SPECC1: variants seen among roughly 807,000 people sequenced by gnomAD.
SPECC1 encodes sperm antigen with calponin homology and coiled-coil domains 1, also known as cytospin-B.
SPECC1 carries 62 observed loss-of-function variants against 104.1 expected under a neutral mutation model. The observed-to-expected ratio is 0.60, with a 90% CI of 0.49 to 0.74. The LOEUF (loss-of-function observed/expected upper bound fraction) is 0.74. SPECC1 is among the 30% of genes least tolerant of loss of function. SPECC1 has a pLI of 0.00. For synonymous variants in SPECC1, 513 were observed against 501.6 expected, an observed-to-expected ratio of 1.02 and a Z score of -0.30; for missense variants, 1,306 against 1,310.5, an observed-to-expected ratio of 1.00 and a Z score of 0.05.
chr17:20,064,743 A>G (rs1325576471), intron 1 of SPECC1, among the ~76,000 whole-genome samples: 1 of 152,202 alleles, frequency 6.6e-6, no homozygotes, highest in Non-Finnish European at 1.5e-5. Flanking sequence ...GTACTTACAG[A>G]AAGCCCTTGC....
intron 3 of SPECC1, among the ~76,000 whole-genome samples, chr17:20,163,021 T>G (rs891329871): frequency 6.6e-5 from 10 of 152,016 alleles, no homozygotes; most frequent in Non-Finnish European, 1.5e-4. Flanking sequence ...AGAGCAAAAC[T>G]CCATCTCAAA....
intron 1 of SPECC1, among the ~76,000 whole-genome samples, chr17:20,086,647 G>A (rs997361723): frequency 1.3e-5 from 2 of 152,190 alleles, no homozygotes; most frequent in Non-Finnish European, 2.9e-5. Context: ...CTGGACCAGA[G>A]TGGCTGAAGT....
At chr17:20,103,191 C>A (rs1194254801) in intron 2 of SPECC1, among the ~76,000 whole-genome samples, 1 of 152,152 alleles carries the variant, frequency 6.6e-6, no homozygotes, top group Non-Finnish European at 1.5e-5. Context: ...TGGTCTTCAG[C>A]CTGGTGTTGC....
chr17:20,174,659 T>C (rs1296030855), intron 3 of SPECC1, among the ~76,000 whole-genome samples: 1 of 152,168 alleles, frequency 6.6e-6, no homozygotes, highest in Non-Finnish European at 1.5e-5. Context: ...TTCTTTGCCT[T>C]TTCCAGCAGT....
rs2032412758 is a variant in SPECC1 at position 20,155,772 on chromosome 17, A to G, written c.283+45210A>G. 8.9e-6 allele frequency: 3 copies of G among 337,456 alleles called. No individual in the cohort carries two copies. The South Asian group carries it at 3.5e-4, about 39-fold the overall frequency. 20.9% of individuals were successfully genotyped at this position (337,456 alleles called of 1,614,324 possible). A position where few individuals can be genotyped will look rare whatever the true frequency, so the allele number is the denominator to read the frequency against. ...GGGGTTTTTCCAGCCTACCTTGTGCAGCTGCGGTTCTCAGCATCCGCGGGC... is the reference window on the plus strand; with the variant it reads ...GGGGTTTTTCCAGCCTACCTTGTGCGGCTGCGGTTCTCAGCATCCGCGGGC... On this transcript the variant is annotated intron_variant, in intron 3 of 14. Transcript: ENST00000395527.
At chr17:20,184,245 G>A (rs2035111071) in intron 3 of SPECC1, among the ~76,000 whole-genome samples, 1 of 150,976 alleles carries the variant, frequency 6.6e-6, no homozygotes, top group African/African-American at 2.4e-5. Flanking sequence ...ACAAGTGAGA[G>A]CTATTTCCTG....
At chr17:20,051,128 C>CTTTA in intron 1 of SPECC1, among the ~76,000 whole-genome samples, 1 of 116,300 alleles carries the variant, frequency 8.6e-6, no homozygotes, top group Non-Finnish European at 1.8e-5. Context: ...TTCTTTCTTT[C>CTTTA]TTTCTTTCTT....
intron 1 of SPECC1, among the ~76,000 whole-genome samples, chr17:20,036,522 C>T (rs57040439): frequency 2.0e-5 from 3 of 152,166 alleles, no homozygotes; most frequent in Admixed American, 1.3e-4. Flanking sequence ...TGCTAATTAA[C>T]GTATGCATTA....
chr17:20,158,002 T>C (rs776594794), intron 3 of SPECC1, among the ~76,000 whole-genome samples: 2 of 152,180 alleles, frequency 1.3e-5, no homozygotes, highest in Non-Finnish European at 2.9e-5. Flanking sequence ...TGGATTACTG[T>C]CTGAAAGTGT....
chr17:20,111,630 G>C (rs1203467777), intron 3 of SPECC1, among the ~76,000 whole-genome samples: 1 of 152,328 alleles, frequency 6.6e-6, no homozygotes, highest in South Asian at 2.1e-4. Context: ...GGGCAGGGTG[G>C]GAATGAGGAC....
At chr17:20,064,934 T>TAACC (rs1337826750) in intron 1 of SPECC1, among the ~76,000 whole-genome samples, 1 of 152,182 alleles carries the variant, frequency 6.6e-6, no homozygotes, top group Non-Finnish European at 1.5e-5. Flanking sequence ...TCTAAAGAGA[T>TAACC]GGTTTGGTTA....
intron 1 of SPECC1, among the ~76,000 whole-genome samples, chr17:20,085,921 T>G (rs374694359): frequency 1.3e-5 from 2 of 152,340 alleles, no homozygotes; most frequent in African/African-American, 2.4e-5. Context: ...GATCCAGGTT[T>G]TGTTCCTGCA....
intron 1 of SPECC1, among the ~76,000 whole-genome samples, chr17:20,087,577 A>C (rs1156673159): frequency 6.6e-6 from 1 of 152,124 alleles, no homozygotes; most frequent in African/African-American, 2.4e-5. Context: ...CCTTTGTAGA[A>C]GCTCCCTGGC....
intron 1 of SPECC1, among the ~76,000 whole-genome samples, chr17:20,021,778 C>A (rs182876489): frequency 6.1e-5 from 9 of 147,398 alleles, no homozygotes; most frequent in Non-Finnish European, 1.0e-4. Context: ...CCTCATGATC[C>A]GCCCGCCTTG....
chr17:20,238,136 A>C (rs772615150), intron 7 of SPECC1: 1 of 1,030,278 alleles, frequency 9.7e-7, no homozygotes, highest in Middle Eastern at 4.5e-4. Context: ...GTTGATTTCC[A>C]GAATCTTGTT....
intron 5 of SPECC1, 97 bp from the exon 6 acceptor site, chr17:20,231,661 G>T (rs1012430272): frequency 2.9e-6 from 3 of 1,044,764 alleles, no homozygotes; most frequent in African/African-American, 3.1e-5. Context: ...GATGCCTGTT[G>T]TGGCATCTGG....
chr17:20,057,170 G>A (rs550508505), intron 1 of SPECC1, among the ~76,000 whole-genome samples: 10 of 152,238 alleles, frequency 6.6e-5, no homozygotes, highest in Admixed American at 3.3e-4. Flanking sequence ...GGCCGGGTGC[G>A]GTGGCTCATG....
intron 3 of SPECC1, among the ~76,000 whole-genome samples, chr17:20,163,642 C>G (rs947639388): frequency 4.6e-5 from 7 of 151,708 alleles, no homozygotes; most frequent in African/African-American, 1.5e-4. Flanking sequence ...CTTACTGCAG[C>G]CTTGACCTCC....
chr17:20,197,591 A>T (rs1292849827), intron 3 of SPECC1, among the ~76,000 whole-genome samples: 1 of 152,230 alleles, frequency 6.6e-6, no homozygotes, highest in Non-Finnish European at 1.5e-5. Context: ...TTTAGATCTA[A>T]CTATGACATG....
Sources: allele counts gnomAD v4.1 joint callset (sites outside exome capture counted in the v4.1 genomes callset), GRCh38; gene constraint gnomAD v4.1.1; transcripts MANE v1.5; gene names NCBI Gene and HGNC (gene_info 2026-07-23, HGNC 2026-07-21).